RARS2: variants seen among roughly 807,000 people sequenced by gnomAD.
The protein encoded by RARS2 is arginyl-tRNA synthetase 2, mitochondrial.
In RARS2, 67 loss-of-function variants were observed where a neutral mutation model predicts 88.5. That is an observed-to-expected ratio of 0.76 (90% CI 0.62 to 0.93). The LOEUF (loss-of-function observed/expected upper bound fraction) is 0.93, where lower values mean the gene tolerates loss of function less well. Ranked by LOEUF, RARS2 falls within the 40% of genes least tolerant of loss-of-function variation. The probability of loss-of-function intolerance (pLI) is 0.00; values close to 1 mark genes in which losing one functional copy is unlikely to be tolerated. For synonymous variants in RARS2, 239 were observed against 230.3 expected (o/e 1.04, Z -0.34); for missense variants, 664 against 684.2 (o/e 0.97, Z 0.33).
At position 87,524,425 on chromosome 6, in the gene RARS2, C is replaced by T. The variant is rs1774989937; in HGVS notation, c.974+132G>A. ...AATACTTTTAGTTGATTATGAAGTA[C>T]TTCAGTTTTACAGTTTATAGAATAA... On this transcript the variant is annotated intron_variant, in intron 11 of 19. Transcript: ENST00000369536. The T allele has an allele frequency of 1.4e-5, 11 of 774,800 alleles. No homozygotes were observed. In the South Asian group the frequency reaches 1.4e-4, roughly 10 times the overall value. 48.0% of individuals were successfully genotyped at this position (774,800 alleles called of 1,614,324 possible).
At chr6:87,520,145 C>T (rs1308895377) in intron 13 of RARS2, 35 bp downstream of exon 13, 1 of 1,557,498 alleles carries the variant, frequency 6.4e-7, no homozygotes, top group Admixed American at 1.7e-5. Context: ...CTCAGCTGAC[C>T]CTGCACAGAC....
At chr6:87,587,154 G>C (rs1166550307) in intron 1 of RARS2, among the ~76,000 whole-genome samples, 1 of 152,026 alleles carries the variant, frequency 6.6e-6, no homozygotes, top group African/African-American at 2.4e-5. Context: ...CCAAGTGCTG[G>C]GGTTATAGGC....
chr6:87,568,545 A>G (rs1768646258), intron 2 of RARS2, among the ~76,000 whole-genome samples: 4 of 152,312 alleles, frequency 2.6e-5, no homozygotes, highest in Non-Finnish European at 5.9e-5. Context: ...TATTATGCAG[A>G]ATGTCATTTA....
At chr6:87,584,698 CT>C (rs1562281977) in intron 1 of RARS2, 1 of 468,700 alleles carries the variant, frequency 2.1e-6, no homozygotes, top group East Asian at 6.3e-5. Context: ...AAGAAAGCAG[CT>C]GACAAACCCA....
Position 87,575,736 on chromosome 6 carries a change from C to T in RARS2, c.37-6146G>A, listed in dbSNP as rs150369013. ...ACTTCCACGAAATAAAGAACCAAAT[C>T]TAAATTGTGGTACACTACTGCTATG... is the stretch of plus-strand genomic sequence containing the variant. On this transcript the variant is annotated intron_variant, in intron 1 of 19. Coordinates refer to ENST00000369536, the MANE Select transcript of RARS2 (RefSeq NM_020320.5). 2.4e-3 allele frequency among the ~76,000 whole-genome samples: 369 copies of T among 152,040 alleles called. 2 individuals carry two copies. Among genetic ancestry groups the T allele is most frequent in the Middle Eastern group, 0.014 (4 of 292 alleles).
chr6:87,588,156 G>C (rs1775710549), intron 1 of RARS2, among the ~76,000 whole-genome samples: 1 of 152,064 alleles, frequency 6.6e-6, no homozygotes, highest in African/African-American at 2.4e-5. Flanking sequence ...CTTTACTTAA[G>C]GGCTAAGAAT....
intron 18 of RARS2, among the ~76,000 whole-genome samples, chr6:87,516,261 T>C (rs1771696957): frequency 6.6e-6 from 1 of 152,250 alleles, no homozygotes; most frequent in Admixed American, 6.5e-5. Flanking sequence ...TTAAGTTTTC[T>C]AGCTTATTTT....
At chr6:87,584,812 G>C in intron 1 of RARS2, 1 of 434,092 alleles carries the variant, frequency 2.3e-6, no homozygotes, top group Non-Finnish European at 4.6e-6. Context: ...TCTACCCCAA[G>C]ACCCAGGGCT....
At position 87,525,569 on chromosome 6, in the gene RARS2, G is replaced by A. The variant is rs551250602; in HGVS notation, c.879-917C>T. 2.1e-3 allele frequency among the ~76,000 whole-genome samples: 306 copies of A among 146,446 alleles called. 1 individual carries two copies. Among genetic ancestry groups the A allele is most frequent in the African/African-American group, 7.4e-3 (293 of 39,444 alleles). On this transcript the variant is annotated intron_variant, in intron 10 of 19. Coordinates refer to ENST00000369536, the MANE Select transcript of RARS2 (RefSeq NM_020320.5). ...TTTTTCTTTTTTTTTTTTTTGAGAC[G>A]GAGTCTCACTTTGTTGCCCAGGCTG...
chr6:87,528,790 T>A lies in RARS2; in HGVS notation c.878+752A>T, dbSNP rs1776555252. Among the ~76,000 whole-genome samples the A allele has an allele frequency of 2.6e-5, 4 of 152,328 alleles. No individual in the cohort carries two copies. The South Asian group carries it at 8.3e-4, about 32-fold the overall frequency. ...TTAGGTAAACAGGAGGAGTAAGTTC[T>A]GGAGATCTATTGTACAGCATTGTGA... On this transcript the variant is annotated intron_variant, in intron 10 of 19. Coordinates refer to ENST00000369536, the MANE Select transcript of RARS2 (RefSeq NM_020320.5).
intron 4 of RARS2, among the ~76,000 whole-genome samples, chr6:87,559,995 T>C (rs1011915062): frequency 6.6e-6 from 1 of 152,268 alleles, no homozygotes; most frequent in Non-Finnish European, 1.5e-5. Context: ...CACAAGTTTA[T>C]GGCCTAGGTC....
At position 87,545,639 on chromosome 6, in the gene RARS2, A is replaced by G; in HGVS notation, c.512T>C (p.Leu171Pro). The G allele has an allele frequency of 6.2e-7, 1 of 1,613,832 alleles. No individual in the cohort carries two copies. Among genetic ancestry groups the G allele is most frequent in the Non-Finnish European group, 8.5e-7 (1 of 1,179,900 alleles). Residue 171 changes from leucine to proline, a missense_variant, in exon 7 of 20, where the codon CTT (leucine) becomes CCT (proline). Physicochemically the swap from Leu to Pro is moderately conservative, Grantham distance 98 (BLOSUM62 -3). Coordinates refer to ENST00000369536, the MANE Select transcript of RARS2 (RefSeq NM_020320.5). ...ACCAAACTGCATGCCCCAATCGCCA[A>G]GGTAATTTATTCTTATTACTTGATG... is the stretch of plus-strand genomic sequence containing the variant. ...LGHQVIRINY[L>P]GDWGMQFGLL...
intron 13 of RARS2, 152 bp downstream of exon 13, chr6:87,520,028 T>C: frequency 1.3e-6 from 1 of 767,454 alleles, no homozygotes; most frequent in Middle Eastern, 2.3e-4. Flanking sequence ...GAAATTATTA[T>C]AACCAAGACA....
intron 3 of RARS2, 80 bp downstream of exon 3, chr6:87,564,050 T>C: frequency 1.9e-6 from 2 of 1,032,250 alleles, no homozygotes; most frequent in East Asian, 2.4e-5. Context: ...TTCACTATTA[T>C]GGCTGAGATA....
intron 12 of RARS2, among the ~76,000 whole-genome samples, chr6:87,521,091 G>A (rs1184557519): frequency 2.6e-5 from 4 of 152,022 alleles, no homozygotes; most frequent in African/African-American, 4.8e-5. Flanking sequence ...TATCTTTGGG[G>A]GGAAACACCG....
At chr6:87,571,876 T>C (rs1654188778) in intron 1 of RARS2, among the ~76,000 whole-genome samples, 1 of 152,210 alleles carries the variant, frequency 6.6e-6, no homozygotes, top group Admixed American at 6.5e-5. Context: ...GATTGATTTT[T>C]TAAAGTTTCC....
intron 5 of RARS2, among the ~76,000 whole-genome samples, chr6:87,553,683 A>G (rs961681889): frequency 1.3e-5 from 2 of 152,226 alleles, no homozygotes; most frequent in East Asian, 3.8e-4. Context: ...TTCTTATTCA[A>G]GTGGAGATAA....
Position 87,569,576 on chromosome 6 carries a change from C to T in RARS2, c.51G>A (p.Leu17=). Residue 17 remains leucine, a synonymous_variant, in exon 2 of 20, where the codon TTG becomes TTA. Transcript: ENST00000369536. The stretch of plus-strand genomic sequence containing the variant: ...TGATCAAGTTTTCTGGTGGAAGATT[C>T]AACACTCTGGAAAGCTAAAAATCAA... ...RAIACQLSRV[L]NLPPENLITS... 3.1e-6 allele frequency: 5 copies of T among 1,607,140 alleles called. No individual in the cohort carries two copies. The highest frequency in any genetic ancestry group is 4.3e-6 in the Non-Finnish European group (5 of 1,173,938).
intron 10 of RARS2, among the ~76,000 whole-genome samples, chr6:87,528,139 T>C (rs973813754): frequency 3.4e-5 from 5 of 149,220 alleles, no homozygotes; most frequent in Non-Finnish European, 3.0e-5. Flanking sequence ...CTAACAAGTA[T>C]ATGAAAAGGT....
Sources: allele counts gnomAD v4.1 joint callset (sites outside exome capture counted in the v4.1 genomes callset), GRCh38; gene constraint gnomAD v4.1.1; transcripts MANE v1.5; gene names NCBI Gene and HGNC (gene_info 2026-07-23, HGNC 2026-07-21).